FBN2: variants seen among roughly 807,000 people sequenced by gnomAD.
The protein encoded by FBN2 is fibrillin-2.
A neutral mutation model predicts 355.6 loss-of-function variants in FBN2; 105 were observed. The ratio of observed to expected loss-of-function variants is 0.30; its 90% CI spans 0.25 to 0.35. FBN2 has a LOEUF of 0.35. Among genes scored for constraint, FBN2 ranks in the 10% least tolerant of loss-of-function variants. FBN2 has a pLI of 1.00. For missense variants in FBN2, 3,280 were observed against 3,758.7 expected, an observed-to-expected ratio of 0.87 and a Z score of 3.33; for synonymous variants, 1,350 against 1,301.2, an observed-to-expected ratio of 1.04 and a Z score of -0.81.
chr5:128,400,491 A>C (rs779684526), intron 8 of FBN2, among the ~76,000 whole-genome samples: 2 of 152,206 alleles, frequency 1.3e-5, no homozygotes, highest in Non-Finnish European at 2.9e-5. Context: ...AGGTACAAAG[A>C]AAATTTGAAT....
intron 7 of FBN2, among the ~76,000 whole-genome samples, chr5:128,441,372 C>T (rs1363403238): frequency 6.6e-6 from 1 of 152,198 alleles, no homozygotes; most frequent in Non-Finnish European, 1.5e-5. Context: ...CCTTTGTTTG[C>T]TCAATAGCAC....
chr5:128,427,179 C>T (rs912646246), intron 7 of FBN2, among the ~76,000 whole-genome samples: 6 of 152,044 alleles, frequency 3.9e-5, no homozygotes, highest in Admixed American at 6.6e-5. Context: ...TGAGCTTCTG[C>T]CCACCCCCCT....
At chr5:128,482,476 T>C (rs938276724) in intron 5 of FBN2, among the ~76,000 whole-genome samples, 1 of 152,176 alleles carries the variant, frequency 6.6e-6, no homozygotes, top group Non-Finnish European at 1.5e-5. Context: ...TGAGGCAGAT[T>C]TGGGTTTTGT....
rs60501095 is a variant in FBN2 at position 128,500,228 on chromosome 5, TCAACAACAA to T, written c.628+19036_628+19044del. On this transcript the variant is annotated intron_variant, in intron 5 of 64. Coordinates refer to ENST00000262464, the MANE Select transcript of FBN2 (RefSeq NM_001999.4). ...GAGTCTCCCTTTCCCACAGCTAATA[TCAACAACAA>T]CAACAACAACAACAACAACAACAAA... 8.9e-4 allele frequency among the ~76,000 whole-genome samples: 132 copies of T among 149,052 alleles called. 1 individual carries two copies. The highest frequency in any genetic ancestry group is 6.8e-3 in the Middle Eastern group (2 of 292).
Position 128,357,299 on chromosome 5 carries a change from C to G in FBN2, c.2651G>C (p.Ser884Thr), listed in dbSNP as rs139035999. 64 of 1,613,818 alleles carry G rather than the reference C, an allele frequency of 4.0e-5. No homozygotes were observed. The African/African-American group carries it at 8.0e-4, about 20-fold the overall frequency. The change falls in exon 20 of 65, where the codon AGC becomes ACC. Residue 884 changes from serine (S) to threonine (T), a missense_variant. Ser to Thr is a moderately conservative substitution (Grantham distance 58). This residue lies in a region of FBN2 where 2,284 missense variants were observed against 2,749.5 expected (regional missense o/e 0.83). Transcript: ENST00000262464. The part of the protein sequence containing the change: ...NCECSPGSKL[S>T]STGLICIDSL... ...ACCAATACAGATCAATCCTGTGGAGCTGAGTTTGCTGCCGGGCGAACATTC... is the reference window on the plus strand; with the variant it reads ...ACCAATACAGATCAATCCTGTGGAGGTGAGTTTGCTGCCGGGCGAACATTC...
chr5:128,349,615 C>T, intron 22 of FBN2, 143 bp from the exon 23 acceptor site: 2 of 1,050,412 alleles, frequency 1.9e-6, no homozygotes, highest in South Asian at 2.8e-5. Context: ...TATTCCACAA[C>T]CGAGCCACCC....
chr5:128,520,125 G>T (rs1756391657), intron 4 of FBN2, among the ~76,000 whole-genome samples: 1 of 152,182 alleles, frequency 6.6e-6, no homozygotes, highest in South Asian at 2.1e-4. Context: ...ACTCTCTTTT[G>T]CTCCTTTAGC....
chr5:128,279,121 CT>C (rs1228317700), intron 56 of FBN2, among the ~76,000 whole-genome samples: 1 of 152,138 alleles, frequency 6.6e-6, no homozygotes, highest in Non-Finnish European at 1.5e-5. Context: ...CCTACCATTT[CT>C]GTAGAATACA....
Position 128,366,463 on chromosome 5 carries a change from A to T in FBN2, c.2249-33T>A, listed in dbSNP as rs762232808. 2.8e-5 allele frequency: 38 copies of T among 1,359,140 alleles called. No homozygotes were observed. In the Admixed American group the frequency reaches 6.5e-4, roughly 23 times the overall value. 84.2% of individuals were successfully genotyped at this position (1,359,140 alleles called of 1,614,324 possible). A position where few individuals can be genotyped will look rare whatever the true frequency, so the allele number is the denominator to read the frequency against. ...ACAAAAAGAAATAGAAGAATTAAAA[A>T]CTTAACTATACCTATTCCATATACA... On this transcript the variant is annotated intron_variant, in intron 16 of 64. Coordinates refer to ENST00000262464, the MANE Select transcript of FBN2 (RefSeq NM_001999.4).
chr5:128,448,210 A>G (rs1260696940), intron 6 of FBN2, among the ~76,000 whole-genome samples: 1 of 149,942 alleles, frequency 6.7e-6, no homozygotes, highest in Non-Finnish European at 1.5e-5. Flanking sequence ...GAGTCTTCAT[A>G]CCACTAGCAG....
intron 4 of FBN2, 53 bp downstream of exon 4, chr5:128,527,818 TA>T: frequency 1.6e-6 from 2 of 1,256,622 alleles, no homozygotes; most frequent in East Asian, 4.7e-5. Context: ...AATTATAACT[TA>T]ATATGAAATA....
At chr5:128,289,076 T>G in intron 52 of FBN2, 51 bp downstream of exon 52, 1 of 1,602,142 alleles carries the variant, frequency 6.2e-7, no homozygotes, top group Admixed American at 1.7e-5. Flanking sequence ...TTACTGAATA[T>G]GAGAAGTAAA....
intron 63 of FBN2, 70 bp from the exon 64 acceptor site, chr5:128,261,977 A>T: frequency 8.0e-7 from 1 of 1,249,964 alleles, no homozygotes; most frequent in South Asian, 1.2e-5. Flanking sequence ...GTGGTAGAGC[A>T]GACTCTTCAG....
rs1756677980 is a variant in FBN2 at position 128,530,681 on chromosome 5, T to C, written c.350A>G (p.Asn117Ser). 1 of 1,610,122 alleles carries C rather than the reference T, an allele frequency of 6.2e-7. No homozygotes were observed. The highest frequency in any genetic ancestry group is 1.7e-5 in the Admixed American group (1 of 59,958). ...GNQCIVPICRNSCGDGFCSRP... is the reference protein window; with the variant it reads ...GNQCIVPICRSSCGDGFCSRP... The stretch of plus-strand genomic sequence containing the variant: ...GGAACAAAATCCATCTCCACAACTA[T>C]TTCTACAAATCGCTGTAGAAAGCAC... Residue 117 changes from asparagine to serine, a missense_variant, in exon 3 of 65, where the codon AAT becomes AGT. Coordinates refer to ENST00000262464, the MANE Select transcript of FBN2 (RefSeq NM_001999.4).
rs1749185749 is a variant in FBN2 at position 128,287,389 on chromosome 5, G to A, written c.6799C>T (p.Arg2267Cys). The change falls in exon 54 of 65, where the codon CGC (arginine) becomes TGC (cysteine). Residue 2267 changes from arginine to cysteine, a missense_variant. Arg to Cys is a radical substitution (Grantham distance 180). This residue lies in a region of FBN2 where 2,284 missense variants were observed against 2,749.5 expected (regional missense o/e 0.83). Coordinates refer to ENST00000262464, the MANE Select transcript of FBN2 (RefSeq NM_001999.4). The stretch of plus-strand genomic sequence containing the variant: ...TAGGACCCAAAAGTGTTCATGCAGC[G>A]GAAAGCACACAGCAGTGGGTTCTGG... Reference protein sequence around the residue: ...CAQNPLLCAFRCMNTFGSYEC... With the variant: ...CAQNPLLCAFCCMNTFGSYEC... The A allele has an allele frequency of 1.2e-6, 2 of 1,613,930 alleles. No individual in the cohort carries two copies. Among genetic ancestry groups the A allele is most frequent in the Non-Finnish European group, 1.7e-6 (2 of 1,179,874 alleles).
At chr5:128,526,412 G>A (rs984778779) in intron 4 of FBN2, among the ~76,000 whole-genome samples, 2 of 152,050 alleles carry the variant, frequency 1.3e-5, no homozygotes, top group African/African-American at 4.8e-5. Flanking sequence ...ACACCCAAAA[G>A]AACTTAAAGC....
intron 5 of FBN2, among the ~76,000 whole-genome samples, chr5:128,514,120 C>T (rs1359181025): frequency 1.3e-5 from 2 of 151,932 alleles, no homozygotes; most frequent in African/African-American, 4.8e-5. Flanking sequence ...TTTCATTCTA[C>T]TAAATCTTCA....
chr5:128,457,986 C>T (rs1754446218), intron 6 of FBN2, among the ~76,000 whole-genome samples: 1 of 152,076 alleles, frequency 6.6e-6, no homozygotes, highest in Admixed American at 6.5e-5. Flanking sequence ...TGTAAATGGG[C>T]TAAATGCCCC....
At chr5:128,529,441 A>G (rs1207264647) in intron 3 of FBN2, among the ~76,000 whole-genome samples, 1 of 152,232 alleles carries the variant, frequency 6.6e-6, no homozygotes, top group Non-Finnish European at 1.5e-5. Context: ...CAAAAGCTTT[A>G]GCAAGGTCAA....
Sources: allele counts gnomAD v4.1 joint callset (sites outside exome capture counted in the v4.1 genomes callset), GRCh38; gene constraint gnomAD v4.1.1; regional missense constraint gnomAD v4.1.1; transcripts MANE v1.5; gene names NCBI Gene and HGNC (gene_info 2026-07-23, HGNC 2026-07-21).